Variants in TET1 observed in about 807,000 individuals in gnomAD.
TET1 encodes tet methylcytosine dioxygenase 1.
Under a neutral mutation model 148.7 loss-of-function variants are expected in TET1, and 13 were observed. The ratio of observed to expected loss-of-function variants is 0.09; its 90% CI spans 0.06 to 0.14. TET1 has a LOEUF of 0.14. Among genes scored for constraint, TET1 ranks in the 10% least tolerant of loss-of-function variants. TET1 has a pLI of 1.00. For missense variants in TET1, 2,182 were observed against 2,553.8 expected, an observed-to-expected ratio of 0.85 and a Z score of 3.14; for synonymous variants, 907 against 937.2, an observed-to-expected ratio of 0.97 and a Z score of 0.59.
rs150689919 is a variant in TET1 at position 68,573,798 on chromosome 10, C to T, written c.1460C>T (p.Ser487Leu). The T allele has an allele frequency of 1.2e-3, 2,017 of 1,614,052 alleles. 37 individuals carry two copies. The East Asian group carries it at 0.032, about 26-fold the overall frequency. Reference sequence around the variant, plus strand: ...TCATCATCAAACTCAGAGAAAAATTCATTACCTCCAGTAATGGCTATAAGC... The same window carrying T: ...TCATCATCAAACTCAGAGAAAAATTTATTACCTCCAGTAATGGCTATAAGC... ...PQSSSNSEKN[S>L]LPPVMAISNV... The change falls in exon 2 of 12, where the codon TCA (serine) becomes TTA (leucine). Residue 487 changes from serine (S) to leucine (L), a missense_variant. This residue lies in a region of TET1 where 665 missense variants were observed against 672.4 expected (regional missense o/e 0.99). Coordinates refer to ENST00000373644, the MANE Select transcript of TET1 (RefSeq NM_030625.3).
chr10:68,633,580 C>T (rs372310825), intron 3 of TET1, among the ~76,000 whole-genome samples: 2 of 151,902 alleles, frequency 1.3e-5, no homozygotes, highest in African/African-American at 4.8e-5. Context: ...AAAGTAACTG[C>T]GGTTTTTGCC....
chr10:68,628,036 T>C (rs2054513059), intron 3 of TET1, among the ~76,000 whole-genome samples: 1 of 152,154 alleles, frequency 6.6e-6, no homozygotes, highest in South Asian at 2.1e-4. Context: ...CTTACTCTGT[T>C]GCTCAGGCTG....
intron 9 of TET1, among the ~76,000 whole-genome samples, chr10:68,682,024 C>A (rs1589133097): frequency 7.3e-6 from 1 of 137,552 alleles, no homozygotes; most frequent in Non-Finnish European, 1.6e-5. Flanking sequence ...CAAATTTGAA[C>A]AAATATATAC....
At chr10:68,661,196 A>ATTTTTTTTTTTTTTTTTTTTTTT (rs974912892) in intron 6 of TET1, among the ~76,000 whole-genome samples, 3 of 78,630 alleles carry the variant, frequency 3.8e-5, no homozygotes, top group African/African-American at 1.3e-4. Flanking sequence ...CGCCTGGCTA[A>ATTTTTTTTTTTTTTTTTTTTTTT]TTTTTTTTTT....
chr10:68,574,268 A>AGG lies in TET1; in HGVS notation c.1914+19_1914+20dup. 1.3e-6 allele frequency: 2 copies of AGG among 1,597,634 alleles called. No individual in the cohort carries two copies. The highest frequency in any genetic ancestry group is 1.7e-6 in the Non-Finnish European group (2 of 1,173,086). On this transcript the variant is annotated intron_variant, in intron 2 of 11. Coordinates refer to ENST00000373644, the MANE Select transcript of TET1 (RefSeq NM_030625.3). ...GCCTCTGGAGGTAAGCAAACAGTCA[A>AGG]GGGGCTGGGAGACAGCTGACACTTG...
At chr10:68,602,264 CT>C (rs575846745) in intron 3 of TET1, among the ~76,000 whole-genome samples, 107 of 152,276 alleles carry the variant, frequency 7.0e-4, no homozygotes, top group African/African-American at 2.5e-3. Flanking sequence ...AAATTAAACC[CT>C]TTTCTGTTTT....
intron 3 of TET1, among the ~76,000 whole-genome samples, chr10:68,625,563 G>A (rs1052605205): frequency 3.3e-5 from 5 of 152,174 alleles, no homozygotes; most frequent in African/African-American, 1.2e-4. Flanking sequence ...AAAACCTTCA[G>A]TGTTCACATA....
intron 4 of TET1, among the ~76,000 whole-genome samples, chr10:68,649,948 A>G (rs1217870825): frequency 6.6e-6 from 1 of 152,188 alleles, no homozygotes; most frequent in Non-Finnish European, 1.5e-5. Context: ...ACTTAAAGAC[A>G]GAGAAACAAA....
chr10:68,609,363 G>A (rs1466397891), intron 3 of TET1, among the ~76,000 whole-genome samples: 1 of 152,094 alleles, frequency 6.6e-6, no homozygotes, highest in Non-Finnish European at 1.5e-5. Context: ...GTTTCTCCAT[G>A]TTGGTCAGGC....
intron 1 of TET1, among the ~76,000 whole-genome samples, chr10:68,565,084 A>C (rs544520484): frequency 1.8e-4 from 27 of 152,314 alleles, no homozygotes; most frequent in Non-Finnish European, 2.9e-4. Context: ...CAGAAATGAA[A>C]AATGGAAGTA....
chr10:68,645,420 G>C lies in TET1; in HGVS notation c.2691G>C (p.Leu897=), dbSNP rs777802477. 6.2e-7 allele frequency: 1 copy of C among 1,613,978 alleles called. No homozygotes were observed. Among genetic ancestry groups the C allele is most frequent in the South Asian group, 1.1e-5 (1 of 91,060 alleles). The part of the protein sequence containing the change: ...TLEQVVAIEA[L]TQLSEAPSEN... ...AGCAAGTGGTAGCCATAGAGGCCCT[G>C]ACTCAACTCTCAGAAGCCCCATCAG... Residue 897 remains leucine (L), a synonymous_variant, in exon 4 of 12, where the codon CTG becomes CTC. Transcript: ENST00000373644.
rs540642224 is a variant in TET1 at position 68,692,137 on chromosome 10, C to G, written c.*323C>G. 1 of 310,964 alleles carries G rather than the reference C, an allele frequency of 3.2e-6. No individual in the cohort carries two copies. Among genetic ancestry groups the G allele is most frequent in the African/African-American group, 2.1e-5 (1 of 47,568 alleles). The allele number at this position is 310,964 out of a possible 1,614,324, so 19.3% of individuals were successfully genotyped here. Reference sequence around the variant, plus strand: ...AGTCTGTTTACTATGAAACAAGAGTCATTTTTAGAGGATTTTAACAGGTTC... The same window carrying G: ...AGTCTGTTTACTATGAAACAAGAGTGATTTTTAGAGGATTTTAACAGGTTC... On this transcript the variant is annotated 3_prime_UTR_variant, in exon 12 of 12. Transcript: ENST00000373644.
intron 1 of TET1, among the ~76,000 whole-genome samples, chr10:68,562,617 G>C (rs544312475): frequency 6.6e-5 from 10 of 151,554 alleles, no homozygotes; most frequent in African/African-American, 2.2e-4. Flanking sequence ...TTTTCTCTTT[G>C]CAAAGATGAG....
At chr10:68,651,745 G>C in intron 4 of TET1, 101 bp from the exon 5 acceptor site, 1 of 710,320 alleles carries the variant, frequency 1.4e-6, no homozygotes, top group Non-Finnish European at 2.2e-6. Flanking sequence ...CAAGATTCAT[G>C]GTTCTGAATT....
In TET1 at chr10:68,560,391, G is replaced by A. The variant is rs1456062064; in HGVS notation, c.-474G>A. On this transcript the variant is annotated 5_prime_UTR_variant, in exon 1 of 12. Transcript: ENST00000373644. ...TGCTGCTCCGGGGGGCTGACCTGGC[G>A]GGGAGTGGCCGCGCAGTCTGCTCCG... Among the ~76,000 whole-genome samples the A allele has an allele frequency of 6.6e-6, 1 of 152,192 alleles. No individual in the cohort carries two copies. The highest frequency in any genetic ancestry group is 1.5e-5 in the Non-Finnish European group (1 of 68,024).
chr10:68,612,663 G>A lies in TET1; in HGVS notation c.1968+11629G>A, dbSNP rs1262368715. Among the ~76,000 whole-genome samples, 10 of 152,108 alleles carry A rather than the reference G, an allele frequency of 6.6e-5. No individual in the cohort carries two copies. In the East Asian group the frequency reaches 1.9e-3, roughly 29 times the overall value. On this transcript the variant is annotated intron_variant, in intron 3 of 11. Transcript: ENST00000373644. ...AGATAGAGTCTCACTTTGTCACCCA[G>A]GCCGTAGTGCAGTGGCAAGATCTCG...
intron 2 of TET1, among the ~76,000 whole-genome samples, chr10:68,591,706 T>A (rs1293398116): frequency 6.6e-6 from 1 of 151,538 alleles, no homozygotes; most frequent in Admixed American, 6.6e-5. Flanking sequence ...ATTGAGAACA[T>A]CCTGGCTAAC....
At chr10:68,590,658 C>T (rs1476992101) in intron 2 of TET1, among the ~76,000 whole-genome samples, 1 of 151,740 alleles carries the variant, frequency 6.6e-6, no homozygotes, top group Non-Finnish European at 1.5e-5. Flanking sequence ...GAGACCCTGT[C>T]TCTACAAAAC....
chr10:68,658,122 C>T (rs2133139881), intron 6 of TET1, among the ~76,000 whole-genome samples: 1 of 152,202 alleles, frequency 6.6e-6, no homozygotes, highest in South Asian at 2.1e-4. Flanking sequence ...TTCATGATTT[C>T]ATTTTTTAAA....
Sources: allele counts gnomAD v4.1 joint callset (sites outside exome capture counted in the v4.1 genomes callset), GRCh38; gene constraint gnomAD v4.1.1; regional missense constraint gnomAD v4.1.1; transcripts MANE v1.5; gene names NCBI Gene and HGNC (gene_info 2026-07-23, HGNC 2026-07-21).